The following ASIC2 variants were observed in gnomAD, a reference collection of about 807,000 sequenced individuals.
ASIC2 encodes acid-sensing ion channel 2.
Under a neutral mutation model 57.3 loss-of-function variants are expected in ASIC2, and 25 were observed. The observed-to-expected ratio is 0.44, with a 90% CI of 0.32 to 0.61. The LOEUF (loss-of-function observed/expected upper bound fraction) is 0.61. Among genes scored for constraint, ASIC2 ranks in the 20% least tolerant of loss-of-function variants. ASIC2 has a pLI of 0.06. For missense variants in ASIC2, 641 were observed against 738.1 expected, an observed-to-expected ratio of 0.87 and a Z score of 1.52; for synonymous variants, 319 against 307.5, an observed-to-expected ratio of 1.04 and a Z score of -0.39.
chr17:33,573,461 G>T (rs1916516201), intron 1 of ASIC2, among the ~76,000 whole-genome samples: 1 of 152,138 alleles, frequency 6.6e-6, no homozygotes, highest in African/African-American at 2.4e-5. Context: ...ACCACCACCT[G>T]CAACGAATAT....
chr17:33,244,222 C>T (rs896257412), intron 1 of ASIC2, among the ~76,000 whole-genome samples: 1 of 152,172 alleles, frequency 6.6e-6, no homozygotes, highest in African/African-American at 2.4e-5. Flanking sequence ...GATATGTCCC[C>T]ATCTGAAACA....
chr17:33,327,528 G>A (rs1442036683), intron 1 of ASIC2, among the ~76,000 whole-genome samples: 2 of 152,144 alleles, frequency 1.3e-5, no homozygotes, highest in African/African-American at 4.8e-5. Context: ...CACCTATCAT[G>A]TACTCTGCAC....
chr17:33,579,831 G>C (rs976247271), intron 1 of ASIC2, among the ~76,000 whole-genome samples: 24 of 152,162 alleles, frequency 1.6e-4, no homozygotes, highest in Admixed American at 9.2e-4. Context: ...GTCTGGCTCG[G>C]GTGGGCTGCA....
intron 1 of ASIC2, chr17:33,692,099 G>A (rs925587813): frequency 5.3e-5 from 8 of 152,024 alleles, no homozygotes; most frequent in African/African-American, 1.9e-4. Flanking sequence ...AGAATACACT[G>A]TATTCTATAC....
At chr17:33,428,460 C>T (rs867837042) in intron 1 of ASIC2, among the ~76,000 whole-genome samples, 10 of 152,150 alleles carry the variant, frequency 6.6e-5, no homozygotes, top group Admixed American at 3.3e-4. Flanking sequence ...ACTTGGTTTA[C>T]GCTGTGAGTT....
chr17:33,372,149 T>C (rs1420043999), intron 1 of ASIC2, among the ~76,000 whole-genome samples: 12 of 152,128 alleles, frequency 7.9e-5, no homozygotes, highest in Non-Finnish European at 1.6e-4. Flanking sequence ...AAATACTTCC[T>C]GCTGCGAGTG....
chr17:33,387,149 A>G (rs952470064), intron 1 of ASIC2, among the ~76,000 whole-genome samples: 7 of 152,122 alleles, frequency 4.6e-5, no homozygotes, highest in African/African-American at 9.7e-5. Flanking sequence ...CAGCCTCCCA[A>G]AGTGCTGGAA....
chr17:33,741,993 G>T (rs894686184), intron 1 of ASIC2, among the ~76,000 whole-genome samples: 2 of 152,214 alleles, frequency 1.3e-5, no homozygotes, highest in African/African-American at 4.8e-5. Context: ...AGTGGTCAAA[G>T]GTCTAGGCCT....
intron 1 of ASIC2, among the ~76,000 whole-genome samples, chr17:34,075,823 CTTTTTTTTTTTTTTTT>C (rs57703083): frequency 1.3e-5 from 1 of 77,548 alleles, no homozygotes; most frequent in Admixed American, 1.7e-4. Context: ...TTTCTTTTTC[CTTTTTTTTTTTTTTTT>C]TTTTTTTTTG....
intron 1 of ASIC2, among the ~76,000 whole-genome samples, chr17:33,572,815 C>T (rs1385980051): frequency 6.6e-6 from 1 of 152,222 alleles, no homozygotes. Flanking sequence ...TTTGTGCCTT[C>T]CCCTGCTCCA....
chr17:33,299,882 C>T (rs969635008), intron 1 of ASIC2, among the ~76,000 whole-genome samples: 7 of 152,078 alleles, frequency 4.6e-5, no homozygotes, highest in Non-Finnish European at 1.0e-4. Context: ...ATAATTTAAC[C>T]CTTTCACTTT....
At chr17:33,224,048 G>A (rs1907786964) in intron 1 of ASIC2, among the ~76,000 whole-genome samples, 1 of 152,154 alleles carries the variant, frequency 6.6e-6, no homozygotes, top group African/African-American at 2.4e-5. Flanking sequence ...CCAGCTTCTG[G>A]GAAAGGGCTC....
At chr17:33,044,259 TACCCATCCATCCATCC>T (rs1407573756) in intron 3 of ASIC2, among the ~76,000 whole-genome samples, 5 of 132,292 alleles carry the variant, frequency 3.8e-5, no homozygotes, top group African/African-American at 1.4e-4. Context: ...TTCATCCATC[TACCCATCCATCCATCC>T]ATCCATCCAT....
In ASIC2 at chr17:34,012,274, C is replaced by G. The variant is rs559679187; in HGVS notation, c.555+143704G>C. On this transcript the variant is annotated intron_variant, in intron 1 of 9. Coordinates refer to the ASIC2 transcript ENST00000359872. Reference sequence around the variant, plus strand: ...ATGCCTCCAATTGTAACATGCCATCCCAAGCCACATTTAGACAGTAGCTAC... The same window carrying G: ...ATGCCTCCAATTGTAACATGCCATCGCAAGCCACATTTAGACAGTAGCTAC... 9.9e-4 allele frequency among the ~76,000 whole-genome samples: 150 copies of G among 152,232 alleles called. 1 individual carries two copies. The highest frequency in any genetic ancestry group is 3.5e-3 in the African/African-American group (144 of 41,530).
intron 1 of ASIC2, among the ~76,000 whole-genome samples, chr17:33,958,834 T>C (rs1322998329): frequency 6.6e-6 from 1 of 152,192 alleles, no homozygotes; most frequent in Admixed American, 6.5e-5. Flanking sequence ...GGGTTTTTCT[T>C]TTCTACTGCA....
chr17:33,514,590 G>T (rs890315349), intron 1 of ASIC2, among the ~76,000 whole-genome samples: 18 of 152,204 alleles, frequency 1.2e-4, no homozygotes, highest in African/African-American at 4.1e-4. Context: ...CTTCTGTCCT[G>T]CCCTTATTGA....
intron 1 of ASIC2, among the ~76,000 whole-genome samples, chr17:33,786,930 A>G (rs1171935573): frequency 6.6e-6 from 1 of 152,216 alleles, no homozygotes; most frequent in African/African-American, 2.4e-5. Flanking sequence ...CCTCTCAAGC[A>G]CATACTTTCA....
chr17:33,229,376 G>A (rs557520102), intron 1 of ASIC2, among the ~76,000 whole-genome samples: 102 of 152,306 alleles, frequency 6.7e-4, no homozygotes, highest in African/African-American at 2.4e-3. Context: ...GGACAGATAT[G>A]AGGAATGTGG....
In ASIC2 at chr17:33,013,711, T is replaced by C; in HGVS notation, c.*254A>G. 4 of 515,976 alleles carry C rather than the reference T, an allele frequency of 7.8e-6. No homozygotes were observed. The highest frequency in any genetic ancestry group is 1.4e-5 in the Non-Finnish European group (4 of 286,410). 32.0% of individuals were successfully genotyped at this position (515,976 alleles called of 1,614,324 possible). On this transcript the variant is annotated 3_prime_UTR_variant, in exon 10 of 10. Transcript: ENST00000225823. ...GCTTTATACATCTGGCAGTGAGATG[T>C]GATGGCAGGTTCGTTCTTGGACAGT...
Sources: allele counts gnomAD v4.1 joint callset (sites outside exome capture counted in the v4.1 genomes callset), GRCh38; gene constraint gnomAD v4.1.1; transcripts MANE v1.5; gene names NCBI Gene and HGNC (gene_info 2026-07-23, HGNC 2026-07-21).